The following PLA2G2C variants were observed in gnomAD, a reference collection of about 807,000 sequenced individuals.
The protein encoded by PLA2G2C is putative inactive group IIC secretory phospholipase A2.
PLA2G2C carries 15 observed loss-of-function variants against 14.3 expected under a neutral mutation model. That is an observed-to-expected ratio of 1.05 (90% CI 0.70 to 1.62). The LOEUF is 1.62. PLA2G2C is among the 40% of genes most tolerant of loss of function. PLA2G2C has a pLI of 0.00. For synonymous variants in PLA2G2C, 79 were observed against 67.7 expected (o/e 1.17, Z -0.82); for missense variants, 162 against 173.2 (o/e 0.94, Z 0.36).
chr1:20,165,070 C>A (rs1023307847), intron 4 of PLA2G2C, among the ~76,000 whole-genome samples: 48 of 152,218 alleles, frequency 3.2e-4, no homozygotes, highest in Non-Finnish European at 1.5e-5. Context: ...GCACACTTGC[C>A]GGGATGCCAC....
intron 1 of PLA2G2C, among the ~76,000 whole-genome samples, chr1:20,182,365 T>C (rs2018289739): frequency 6.6e-6 from 1 of 152,228 alleles, no homozygotes; most frequent in South Asian, 2.1e-4. Context: ...ATACTTACTA[T>C]TGTGTTACAA....
chr1:20,181,020 C>G (rs908624520), intron 1 of PLA2G2C, among the ~76,000 whole-genome samples: 3 of 152,226 alleles, frequency 2.0e-5, no homozygotes, highest in Non-Finnish European at 2.9e-5. Flanking sequence ...TCCCTAGTGC[C>G]TTCTTATCAG....
intron 1 of PLA2G2C, among the ~76,000 whole-genome samples, chr1:20,179,543 G>A (rs2018243965): frequency 6.7e-6 from 1 of 150,136 alleles, no homozygotes; most frequent in African/African-American, 2.5e-5. Flanking sequence ...GTGTGTGTGT[G>A]TTAGCTTGTC....
At chr1:20,177,481 G>A in intron 1 of PLA2G2C, 42 bp from the exon 2 acceptor site, 1 of 581,292 alleles carries the variant, frequency 1.7e-6, no homozygotes, top group Non-Finnish European at 3.1e-6. Context: ...AAGGGTATTT[G>A]GGTGCAAAGC....
intron 4 of PLA2G2C, 61 bp from the exon 5 acceptor site, chr1:20,164,218 G>T: frequency 2.6e-6 from 4 of 1,528,822 alleles, no homozygotes; most frequent in Non-Finnish European, 2.6e-6. Context: ...TGGTTCTAAG[G>T]CTGGGGAGAA....
chr1:20,164,096 G>C lies in PLA2G2C; in HGVS notation c.345C>G (p.Asp115Glu). The change falls in exon 5 of 5, where the codon GAC (aspartate) becomes GAG (glutamate). Residue 115 changes from aspartate (D) to glutamate (E), a missense_variant. Asp to Glu is a conservative substitution (Grantham distance 45). Coordinates refer to ENST00000679259, the MANE Select transcript of PLA2G2C (RefSeq NM_001367969.2). Reference sequence around the variant, plus strand: ...CTTTGAAGCAGTGCACGGATTGCTTGTCACACTCACAGGCCTTCAGCCTGC... The same window carrying C: ...CTTTGAAGCAGTGCACGGATTGCTTCTCACACTCACAGGCCTTCAGCCTGC... ...CHCRLKACEC[D>E]KQSVHCFKES... is the part of the protein sequence containing the mutation. The C allele has an allele frequency of 1.9e-6, 3 of 1,613,910 alleles. No individual in the cohort carries two copies. Among genetic ancestry groups the C allele is most frequent in the Non-Finnish European group, 1.7e-6 (2 of 1,179,876 alleles).
intron 4 of PLA2G2C, among the ~76,000 whole-genome samples, chr1:20,171,729 G>A (rs1186410095): frequency 6.6e-6 from 1 of 151,598 alleles, no homozygotes; most frequent in Non-Finnish European, 1.5e-5. Flanking sequence ...GGCAGGAAGT[G>A]AGCCACACAC....
chr1:20,171,986 A>C (rs930205051), intron 4 of PLA2G2C, among the ~76,000 whole-genome samples: 2 of 151,232 alleles, frequency 1.3e-5, no homozygotes, highest in Non-Finnish European at 2.9e-5. Context: ...GATGGTCTCG[A>C]TCTCCTGACC....
intron 1 of PLA2G2C, among the ~76,000 whole-genome samples, chr1:20,185,337 G>A (rs1210961897): frequency 1.3e-5 from 2 of 152,188 alleles, no homozygotes; most frequent in African/African-American, 4.8e-5. Context: ...GATGGAAGGA[G>A]AGTAGGACTC....
At chr1:20,177,944 C>T (rs540572938) in intron 1 of PLA2G2C, among the ~76,000 whole-genome samples, 1 of 152,266 alleles carries the variant, frequency 6.6e-6, no homozygotes, top group Non-Finnish European at 1.5e-5. Context: ...ATTTTAAGGG[C>T]TTCACAGGTA....
chr1:20,177,190 C>T, intron 2 of PLA2G2C, 134 bp downstream of exon 2: 2 of 688,690 alleles, frequency 2.9e-6, no homozygotes, highest in Non-Finnish European at 5.3e-6. Context: ...TTGGTGGGAG[C>T]CCGTTCCTTT....
chr1:20,165,851 C>G (rs557255335), intron 4 of PLA2G2C, among the ~76,000 whole-genome samples: 1 of 152,256 alleles, frequency 6.6e-6, no homozygotes, highest in East Asian at 1.9e-4. Context: ...GTTTAGGGCT[C>G]TCAGGTACAG....
chr1:20,183,597 T>C (rs889317728), intron 1 of PLA2G2C, among the ~76,000 whole-genome samples: 2 of 152,218 alleles, frequency 1.3e-5, no homozygotes, highest in African/African-American at 4.8e-5. Flanking sequence ...CAGCACCATC[T>C]TGGGCATGTT....
chr1:20,174,874 A>C, intron 3 of PLA2G2C, 133 bp downstream of exon 3: 3 of 934,150 alleles, frequency 3.2e-6, no homozygotes, highest in South Asian at 3.6e-5. Context: ...AATCCCGTTC[A>C]GTTCTTCCTT....
intron 4 of PLA2G2C, among the ~76,000 whole-genome samples, chr1:20,169,819 T>G (rs900999735): frequency 6.6e-6 from 1 of 152,204 alleles, no homozygotes; most frequent in Non-Finnish European, 1.5e-5. Flanking sequence ...TGCCCGACTC[T>G]GAGGCTTCTC....
Position 20,175,094 on chromosome 1 carries a change from G to A in PLA2G2C, c.92C>T (p.Thr31Met), listed in dbSNP as rs1204197671. 13 of 1,613,894 alleles carry A rather than the reference G, an allele frequency of 8.1e-6. No homozygotes were observed. Among genetic ancestry groups the A allele is most frequent in the East Asian group, 2.2e-5 (1 of 44,876 alleles). Residue 31 changes from threonine (T) to methionine (M), a missense_variant, in exon 3 of 5, where the codon ACG (threonine) becomes ATG (methionine). Transcript: ENST00000679259. ...ATATGAGAAGAAGGCACTTCGCCCC[G>A]TGATGTGTTTGACCCTCCTCTGAAA... ...WQFQRRVKHI[T>M]GRSAFFSYYG...
chr1:20,173,620 C>T (rs142288261), intron 3 of PLA2G2C, among the ~76,000 whole-genome samples: 4 of 152,300 alleles, frequency 2.6e-5, no homozygotes, highest in African/African-American at 4.8e-5. Flanking sequence ...TAAAAGCCGA[C>T]GTAGTCCCAT....
chr1:20,165,810 CGTGT>C (rs376993718), intron 4 of PLA2G2C, among the ~76,000 whole-genome samples: 15 of 150,986 alleles, frequency 9.9e-5, no homozygotes, highest in Non-Finnish European at 5.9e-5. Context: ...TGTGTTTGTG[CGTGT>C]GTGTGTGTGT....
chr1:20,166,368 G>A (rs918978179), intron 4 of PLA2G2C, among the ~76,000 whole-genome samples: 2 of 152,094 alleles, frequency 1.3e-5, no homozygotes, highest in East Asian at 1.9e-4. Context: ...CCGGTTTTGC[G>A]GCTCCCGCCA....
Sources: allele counts gnomAD v4.1 joint callset (sites outside exome capture counted in the v4.1 genomes callset), GRCh38; gene constraint gnomAD v4.1.1; transcripts MANE v1.5; gene names NCBI Gene and HGNC (gene_info 2026-07-23, HGNC 2026-07-21).